The following CFAP61 variants were observed in gnomAD, a reference collection of about 807,000 sequenced individuals.
CFAP61 encodes cilia and flagella associated protein 61, also known as cilia- and flagella-associated protein 61.
In CFAP61, 107 loss-of-function variants were observed where a neutral mutation model predicts 135.6. The ratio of observed to expected loss-of-function variants is 0.79; its 90% confidence interval spans 0.67 to 0.93. The LOEUF is 0.93. Among genes scored for constraint, CFAP61 ranks in the 40% least tolerant of loss-of-function variants. CFAP61 has a pLI of 0.00. For missense variants in CFAP61, 1,507 were observed against 1,556.2 expected, an observed-to-expected ratio of 0.97 and a Z score of 0.53; for synonymous variants, 575 against 578.5, an observed-to-expected ratio of 0.99 and a Z score of 0.09.
intron 15 of CFAP61, among the ~76,000 whole-genome samples, chr20:20,195,942 G>A (rs531321122): frequency 3.1e-4 from 47 of 152,250 alleles, no homozygotes; most frequent in African/African-American, 9.6e-4. Context: ...TTAGCCAGGC[G>A]TGATGGTGGG....
At chr20:20,084,663 G>A (rs2046670531) in intron 6 of CFAP61, among the ~76,000 whole-genome samples, 1 of 152,164 alleles carries the variant, frequency 6.6e-6, no homozygotes, top group African/African-American at 2.4e-5. Flanking sequence ...GGAGAGTTCT[G>A]CATGTTCTGG....
intron 25 of CFAP61, among the ~76,000 whole-genome samples, chr20:20,322,413 G>A (rs1038580066): frequency 7.2e-5 from 11 of 152,120 alleles, no homozygotes; most frequent in South Asian, 4.1e-4. Flanking sequence ...GGGGTTGAGC[G>A]GATTCCAACA....
chr20:20,339,024 T>C (rs1602090881), intron 25 of CFAP61, among the ~76,000 whole-genome samples: 1 of 152,328 alleles, frequency 6.6e-6, no homozygotes, highest in South Asian at 2.1e-4. Flanking sequence ...ATGTCTTCTA[T>C]TTCAGTCTTG....
intron 25 of CFAP61, among the ~76,000 whole-genome samples, chr20:20,327,944 C>A (rs1365616466): frequency 1.3e-5 from 2 of 152,140 alleles, no homozygotes; most frequent in East Asian, 3.8e-4. Flanking sequence ...CACTCATCTG[C>A]CCCGGGTGAG....
intron 24 of CFAP61, among the ~76,000 whole-genome samples, chr20:20,290,887 T>C (rs2054957759): frequency 6.6e-6 from 1 of 152,322 alleles, no homozygotes; most frequent in East Asian, 1.9e-4. Context: ...TGAAAACTTA[T>C]GAAAGGCCTT....
rs183532541 is a variant in CFAP61, at chr20:20,078,030, T to C, written c.566+2415T>C. On this transcript the variant is annotated intron_variant, in intron 6 of 26. Transcript: ENST00000245957. ...AGTTTTGCAGGGTCATTTCAAAGTA[T>C]GTCAAAGAAATATATTTTGGGGTAA... is the stretch of plus-strand genomic sequence containing the variant. 4.5e-4 allele frequency among the ~76,000 whole-genome samples: 68 copies of C among 152,356 alleles called. No homozygotes were observed. In the East Asian group the frequency reaches 0.013, roughly 28 times the overall value.
intron 8 of CFAP61, among the ~76,000 whole-genome samples, chr20:20,122,826 C>T (rs6046639): frequency 0.62 from 93,324 of 150,492 alleles, 29,213 homozygotes; most frequent in East Asian, 0.83. Flanking sequence ...TTTAGTTCTT[C>T]AAGAAATGTC....
chr20:20,253,654 C>T (rs899910026), intron 20 of CFAP61: 6 of 445,794 alleles, frequency 1.3e-5, no homozygotes, highest in Admixed American at 2.4e-5. Context: ...CACCTACCAA[C>T]TCCACCTTTG....
Position 20,090,986 on chromosome 20 carries a change from T to A in CFAP61, c.699+10T>A. The A allele has an allele frequency of 6.2e-7, 1 of 1,613,974 alleles. No homozygotes were observed. The highest frequency in any genetic ancestry group is 8.5e-7 in the Non-Finnish European group (1 of 1,179,882). On this transcript the variant is annotated intron_variant, in intron 7 of 26. Transcript: ENST00000245957. ...TGCTGTTGTGTGTGAGGTCAGTGAC[T>A]GATTCATGTGGGAACACACTTAGTG...
chr20:20,330,156 CAG>C (rs2057928202), intron 25 of CFAP61, among the ~76,000 whole-genome samples: 1 of 152,080 alleles, frequency 6.6e-6, no homozygotes, highest in South Asian at 2.1e-4. Context: ...TAAAAAGAAA[CAG>C]AGAAAATTAA....
At chr20:20,228,562 G>A in intron 18 of CFAP61, 186 bp downstream of exon 18, 1 of 472,796 alleles carries the variant, frequency 2.1e-6, no homozygotes, top group East Asian at 3.1e-5. Context: ...ATAGCCCTGA[G>A]GCCAGGCCTG....
At chr20:20,214,147 C>T (rs2047870743) in intron 17 of CFAP61, among the ~76,000 whole-genome samples, 1 of 152,130 alleles carries the variant, frequency 6.6e-6, no homozygotes, top group South Asian at 2.1e-4. Flanking sequence ...GTGTGGGGCC[C>T]TCTCAGGATA....
intron 25 of CFAP61, among the ~76,000 whole-genome samples, chr20:20,326,409 A>G (rs1205037213): frequency 6.6e-6 from 1 of 152,130 alleles, no homozygotes; most frequent in East Asian, 1.9e-4. Context: ...TACTTAGGAA[A>G]TTTTCTCCAC....
chr20:20,141,441 G>A (rs1317090231), intron 8 of CFAP61, among the ~76,000 whole-genome samples: 1 of 152,202 alleles, frequency 6.6e-6, no homozygotes, highest in Non-Finnish European at 1.5e-5. Flanking sequence ...AGATATGACA[G>A]TTTTTATTTT....
chr20:20,183,572 CAT>C (rs1323246819), intron 13 of CFAP61, among the ~76,000 whole-genome samples: 3 of 152,172 alleles, frequency 2.0e-5, no homozygotes, highest in African/African-American at 4.8e-5. Flanking sequence ...CTGTGAGCCA[CAT>C]GTGTAATTTT....
chr20:20,291,787 A>G (rs1170594292), intron 24 of CFAP61, among the ~76,000 whole-genome samples: 1 of 152,130 alleles, frequency 6.6e-6, no homozygotes, highest in African/African-American at 2.4e-5. Flanking sequence ...AGCTCCTCTA[A>G]TAAGATTCTC....
chr20:20,095,779 G>C (rs542605463), intron 7 of CFAP61: 10 of 152,316 alleles, frequency 6.6e-5, no homozygotes, highest in African/African-American at 2.4e-4. Flanking sequence ...CTTGGCATCA[G>C]GAGGAGAGGA....
At chr20:20,054,416 C>T (rs1207501676) in intron 1 of CFAP61, among the ~76,000 whole-genome samples, 3 of 143,924 alleles carry the variant, frequency 2.1e-5, no homozygotes, top group African/African-American at 8.0e-5. Context: ...TATATATATA[C>T]ACACACACAT....
chr20:20,208,263 T>G (rs2056947166), intron 17 of CFAP61, among the ~76,000 whole-genome samples: 1 of 152,242 alleles, frequency 6.6e-6, no homozygotes, highest in South Asian at 2.1e-4. Flanking sequence ...AGTTTTCTCC[T>G]GCACCCAGAT....
Sources: allele counts gnomAD v4.1 joint callset (sites outside exome capture counted in the v4.1 genomes callset), GRCh38; gene constraint gnomAD v4.1.1; transcripts MANE v1.5; gene names NCBI Gene and HGNC (gene_info 2026-07-23, HGNC 2026-07-21).